Variants in FBXO11 observed in about 807,000 individuals in gnomAD.
FBXO11 encodes F-box protein 11, also known as F-box only protein 11.
FBXO11 carries 13 observed loss-of-function variants against 117.0 expected under a neutral mutation model. The ratio of observed to expected loss-of-function variants is 0.11; its 90% CI spans 0.07 to 0.18. The LOEUF is 0.18. Among genes scored for constraint, FBXO11 ranks in the 10% least tolerant of loss-of-function variants. The probability of loss-of-function intolerance (pLI) is 1.00; values close to 1 mark genes in which losing one functional copy is unlikely to be tolerated. For synonymous variants in FBXO11, 490 were observed against 380.5 expected, an observed-to-expected ratio of 1.29 and a Z score of -3.35; for missense variants, 767 against 1,164.4, an observed-to-expected ratio of 0.66 and a Z score of 4.97.
intron 18 of FBXO11, among the ~76,000 whole-genome samples, chr2:47,812,365 T>C (rs545761393): frequency 3.9e-5 from 6 of 152,340 alleles, no homozygotes; most frequent in South Asian, 4.1e-4. Context: ...CCAAACCCAA[T>C]TGCCAGTAAA....
At chr2:47,865,710 A>C (rs891715002) in intron 1 of FBXO11, 3 of 152,240 alleles carry the variant, frequency 2.0e-5, no homozygotes, top group Non-Finnish European at 4.4e-5. Context: ...AATCTTAAAT[A>C]AATTTAAGAC....
At chr2:47,820,211 A>G (rs1048910557) in intron 14 of FBXO11, 151 bp downstream of exon 14, 2 of 474,472 alleles carry the variant, frequency 4.2e-6, no homozygotes, top group African/African-American at 3.9e-5. Flanking sequence ...GGCAGGGAGA[A>G]GAAGAACGTT....
intron 1 of FBXO11, among the ~76,000 whole-genome samples, chr2:47,898,926 G>A (rs572066559): frequency 2.4e-4 from 36 of 151,938 alleles, no homozygotes; most frequent in African/African-American, 8.5e-4. Context: ...TTGTATAGCT[G>A]AGCCTCTACT....
chr2:47,875,498 CTTT>C (rs59848527), intron 1 of FBXO11, among the ~76,000 whole-genome samples: 3 of 145,474 alleles, frequency 2.1e-5, no homozygotes, highest in African/African-American at 2.5e-5. Context: ...CTTTTTTTGT[CTTT>C]TTTTTTTTTA....
At chr2:47,816,900 G>C (rs1160116385) in intron 16 of FBXO11, among the ~76,000 whole-genome samples, 1 of 152,064 alleles carries the variant, frequency 6.6e-6, no homozygotes, top group Non-Finnish European at 1.5e-5. Context: ...ATTCTTAAGG[G>C]CCCTAGGGTT....
intron 1 of FBXO11, among the ~76,000 whole-genome samples, chr2:47,894,725 A>G (rs1488228747): frequency 1.3e-5 from 2 of 152,244 alleles, no homozygotes; most frequent in African/African-American, 4.8e-5. Context: ...TAAAAGAACT[A>G]TTAAATGTTT....
chr2:47,872,951 T>C (rs1675732449), intron 1 of FBXO11, among the ~76,000 whole-genome samples: 1 of 152,032 alleles, frequency 6.6e-6, no homozygotes, highest in Admixed American at 6.5e-5. Flanking sequence ...TATTGATAGC[T>C]ATAACCCACA....
At chr2:47,857,336 G>C (rs1674378091) in intron 1 of FBXO11, among the ~76,000 whole-genome samples, 1 of 151,978 alleles carries the variant, frequency 6.6e-6, no homozygotes, top group South Asian at 2.1e-4. Flanking sequence ...GCCCAGGCTG[G>C]TCTCAAACTC....
At chr2:47,838,761 G>A in intron 4 of FBXO11, 98 bp downstream of exon 4, 2 of 1,091,276 alleles carry the variant, frequency 1.8e-6, no homozygotes, top group East Asian at 2.5e-5. Flanking sequence ...CCAACTAATT[G>A]TAACTACCAA....
intron 1 of FBXO11, 160 bp downstream of exon 1, chr2:47,905,329 G>T: frequency 1.4e-6 from 1 of 702,402 alleles, no homozygotes; most frequent in Non-Finnish European, 1.9e-6. Context: ...GCCCGGCCCG[G>T]GCTGACACTG....
rs1384048376 is a variant in FBXO11, at chr2:47,900,602, GTATACACACGTA to G, written c.232+4875_232+4886del. ...CACACATATATACGTATATACACAC[GTATACACACGTA>G]TATACACACGTATACACACACGTAC... On this transcript the variant is annotated intron_variant, in intron 1 of 22. Coordinates refer to ENST00000403359, the MANE Select transcript of FBXO11 (RefSeq NM_001190274.2). Among the ~76,000 whole-genome samples the G allele has an allele frequency of 9.9e-4, 90 of 90,588 alleles. 5 individuals carry two copies. In the South Asian group the frequency reaches 0.01, roughly 11 times the overall value. The allele number at this position is 90,588 out of a possible 152,430, so 59.4% of individuals were successfully genotyped here. A position where few individuals can be genotyped will look rare whatever the true frequency, so the allele number is the denominator to read the frequency against.
chr2:47,809,871 A>T (rs1670489709), intron 19 of FBXO11, 164 bp from the exon 20 acceptor site: 1 of 555,704 alleles, frequency 1.8e-6, no homozygotes, highest in South Asian at 2.5e-5. Flanking sequence ...CAACAGTAAC[A>T]TTCACTTATC....
At chr2:47,828,036 C>CT (rs1376035016) in intron 11 of FBXO11, among the ~76,000 whole-genome samples, 1 of 152,092 alleles carries the variant, frequency 6.6e-6, no homozygotes, top group Non-Finnish European at 1.5e-5. Flanking sequence ...GTCACCCAAG[C>CT]TGGAGCTATC....
In FBXO11 at chr2:47,808,265, C is replaced by T. The variant is rs2104611770; in HGVS notation, c.2655-18G>A. 2 of 1,612,532 alleles carry T rather than the reference C, an allele frequency of 1.2e-6. No homozygotes were observed. Among genetic ancestry groups the T allele is most frequent in the African/African-American group, 1.3e-5 (1 of 74,954 alleles). On this transcript the variant is annotated intron_variant, in intron 22 of 22. Transcript: ENST00000403359. ...AGAAAAACCTAAAGCAAAATGAAAC[C>T]CAAATATTAGAAAAGTGAGGGGGAA...
intron 1 of FBXO11, among the ~76,000 whole-genome samples, chr2:47,899,142 T>C (rs2104041311): frequency 6.6e-6 from 1 of 151,876 alleles, no homozygotes; most frequent in South Asian, 2.1e-4. Context: ...GGCGTGGTGG[T>C]GGGCACCTGT....
intron 1 of FBXO11, chr2:47,905,137 G>C (rs1678669626): frequency 5.7e-6 from 1 of 175,076 alleles, no homozygotes; most frequent in Non-Finnish European, 1.2e-5. Flanking sequence ...GCAGAAAAGG[G>C]AGAAATCACG....
chr2:47,836,821 T>G (rs1672603929), intron 4 of FBXO11, among the ~76,000 whole-genome samples: 1 of 152,108 alleles, frequency 6.6e-6, no homozygotes, highest in Admixed American at 6.5e-5. Flanking sequence ...CTCACTCCCG[T>G]TGCCCACACT....
At chr2:47,903,103 A>T (rs1393259098) in intron 1 of FBXO11, among the ~76,000 whole-genome samples, 1 of 152,194 alleles carries the variant, frequency 6.6e-6, no homozygotes, top group Non-Finnish European at 1.5e-5. Flanking sequence ...TTAACTTCTG[A>T]TCATTATATG....
intron 16 of FBXO11, chr2:47,814,189 C>T: frequency 4.2e-6 from 1 of 239,440 alleles, no homozygotes; most frequent in Non-Finnish European, 8.2e-6. Context: ...ACTGCAGGTT[C>T]CGTTCCAGAC....
Sources: gnomAD v4.1 joint callset for allele counts (sites outside exome capture counted in the v4.1 genomes callset) on GRCh38, gnomAD v4.1.1 for gene constraint, MANE v1.5 for transcripts, NCBI Gene and HGNC (gene_info 2026-07-23, HGNC 2026-07-21) for gene names.